The following STAC variants were observed in gnomAD, a reference collection of about 807,000 sequenced individuals.
STAC encodes the protein SH3 and cysteine rich domain, also known as SH3 and cysteine-rich domain-containing protein.
Under a neutral mutation model 48.8 loss-of-function variants are expected in STAC, and 43 were observed. The observed-to-expected ratio is 0.88, with a 90% confidence interval of 0.69 to 1.14. The LOEUF (loss-of-function observed/expected upper bound fraction) is 1.14, where lower values mean the gene tolerates loss of function less well. STAC is among the 50% of genes most tolerant of loss of function. The pLI is 0.00. For missense variants in STAC, 497 were observed against 504.0 expected (o/e 0.99, Z 0.13); for synonymous variants, 193 against 179.5 (o/e 1.07, Z -0.60).
intron 1 of STAC, among the ~76,000 whole-genome samples, chr3:36,401,278 A>G (rs1189664249): frequency 6.6e-6 from 1 of 152,198 alleles, no homozygotes; most frequent in Non-Finnish European, 1.5e-5. Flanking sequence ...TTCACATTGA[A>G]GGACACACTC....
chr3:36,415,930 T>C (rs1053304979), intron 1 of STAC, among the ~76,000 whole-genome samples: 1 of 152,248 alleles, frequency 6.6e-6, no homozygotes, highest in Non-Finnish European at 1.5e-5. Flanking sequence ...GTATATGGTA[T>C]TTTATAAATA....
rs1014651381 is a variant in STAC at position 36,547,608 on chromosome 3, C to G, written c.*1319C>G. On this transcript the variant is annotated 3_prime_UTR_variant, in exon 11 of 11. Transcript: ENST00000273183. ...AATGTCAGTTTGATTTATTTTGTTA[C>G]AGAGCAATAAAATCATTAGAACAAT... 6.6e-6 allele frequency: 1 copy of G among 152,594 alleles called. No individual in the cohort carries two copies. The highest frequency in any genetic ancestry group is 6.5e-5 in the Admixed American group (1 of 15,268). The allele number at this position is 152,594 out of a possible 1,614,324, so 9.5% of individuals were successfully genotyped here.
chr3:36,448,907 C>CA (rs1014537832), intron 2 of STAC, among the ~76,000 whole-genome samples: 8 of 146,318 alleles, frequency 5.5e-5, no homozygotes, highest in African/African-American at 1.8e-4. Context: ...GTGAACCCCC[C>CA]CCCCCACTCC....
intron 2 of STAC, among the ~76,000 whole-genome samples, chr3:36,470,216 G>A (rs1697292571): frequency 6.6e-6 from 1 of 152,220 alleles, no homozygotes; most frequent in Non-Finnish European, 1.5e-5. Context: ...GGGAGATTTA[G>A]GATTCAAGGG....
rs116088249 is a variant in STAC at position 36,541,791 on chromosome 3, C to T, written c.1111-4400C>T. ...GCTGAGCTACATGGTTAGGTATGTGCTGGGCTGGCTAGAGATGGGATGCTG... is the reference window on the plus strand; with the variant it reads ...GCTGAGCTACATGGTTAGGTATGTGTTGGGCTGGCTAGAGATGGGATGCTG... On this transcript the variant is annotated intron_variant, in intron 10 of 10. Coordinates refer to ENST00000273183, the MANE Select transcript of STAC (RefSeq NM_003149.3). 5.0e-3 allele frequency among the ~76,000 whole-genome samples: 757 copies of T among 152,250 alleles called. 6 individuals carry two copies. The highest frequency in any genetic ancestry group is 0.017 in the African/African-American group (722 of 41,532).
intron 2 of STAC, among the ~76,000 whole-genome samples, chr3:36,455,535 G>A (rs902320800): frequency 1.3e-5 from 2 of 152,186 alleles, no homozygotes; most frequent in African/African-American, 4.8e-5. Context: ...ACAGGAATAG[G>A]ACATCTGCAG....
At chr3:36,434,793 C>T (rs1303926463) in intron 1 of STAC, among the ~76,000 whole-genome samples, 1 of 152,222 alleles carries the variant, frequency 6.6e-6, no homozygotes. Context: ...CACCTTCAGG[C>T]TGCAATTCTG....
At chr3:36,482,772 T>C (rs1697687477) in intron 2 of STAC, among the ~76,000 whole-genome samples, 1 of 152,066 alleles carries the variant, frequency 6.6e-6, no homozygotes, top group Non-Finnish European at 1.5e-5. Flanking sequence ...CCTGGAGTAG[T>C]GAATAGGAAA....
chr3:36,487,762 T>C (rs558806606), intron 5 of STAC, among the ~76,000 whole-genome samples: 21 of 152,360 alleles, frequency 1.4e-4, no homozygotes, highest in Middle Eastern at 6.8e-3. Context: ...TACTGAAGCA[T>C]TTCATAGTAA....
chr3:36,492,032 AT>A (rs1457334374), intron 5 of STAC, among the ~76,000 whole-genome samples: 714 of 10,374 alleles, frequency 0.069, 24 homozygotes, highest in East Asian at 0.12. Context: ...AAAAAAAAAA[AT>A]ATATATATAT....
chr3:36,511,168 G>A (rs1488863493), intron 8 of STAC, among the ~76,000 whole-genome samples: 1 of 151,808 alleles, frequency 6.6e-6, no homozygotes, highest in Admixed American at 6.6e-5. Flanking sequence ...TTAAGCTAGA[G>A]TCAATTCTGG....
chr3:36,478,632 C>T (rs1294405680), intron 2 of STAC, among the ~76,000 whole-genome samples: 1 of 152,220 alleles, frequency 6.6e-6, no homozygotes, highest in South Asian at 2.1e-4. Context: ...GTAACTGGGA[C>T]TACAGGCACA....
At chr3:36,490,839 A>C (rs545411488) in intron 5 of STAC, among the ~76,000 whole-genome samples, 64 of 152,290 alleles carry the variant, frequency 4.2e-4, no homozygotes, top group South Asian at 2.5e-3. Context: ...CAACATCTGG[A>C]CCCTACAGAC....
At position 36,537,090 on chromosome 3, in the gene STAC, C is replaced by A. The variant is rs189512831; in HGVS notation, c.1110+8105C>A. Among the ~76,000 whole-genome samples, 276 of 152,276 alleles carry A rather than the reference C, an allele frequency of 1.8e-3. 2 individuals are homozygous for A. Among genetic ancestry groups the A allele is most frequent in the South Asian group, 7.5e-3 (36 of 4,830 alleles). ...GTGGAGAAATAGGAATGCTTTTACACTGTTGGTGGGAATGTAAATTAAACC... is the reference window on the plus strand; with the variant it reads ...GTGGAGAAATAGGAATGCTTTTACAATGTTGGTGGGAATGTAAATTAAACC... On this transcript the variant is annotated intron_variant, in intron 10 of 10. Transcript: ENST00000273183.
intron 2 of STAC, among the ~76,000 whole-genome samples, chr3:36,450,634 T>C (rs985098794): frequency 2.6e-5 from 4 of 152,212 alleles, no homozygotes; most frequent in Non-Finnish European, 5.9e-5. Flanking sequence ...CAAGCGATTC[T>C]CCTGCCTCAG....
At chr3:36,397,351 C>T (rs547503870) in intron 1 of STAC, among the ~76,000 whole-genome samples, 125 of 152,166 alleles carry the variant, frequency 8.2e-4, no homozygotes, top group Non-Finnish European at 1.6e-3. Flanking sequence ...TCATTATTTT[C>T]GATGGATCTG....
At chr3:36,528,826 C>T (rs757156979) in intron 9 of STAC, 22 bp from the exon 10 acceptor site, 7 of 1,609,516 alleles carry the variant, frequency 4.3e-6, no homozygotes, top group Non-Finnish European at 4.2e-6. Flanking sequence ...ATTGTGGATG[C>T]ATGCCTCCTT....
chr3:36,504,578 G>C lies in STAC; in HGVS notation c.831+121G>C, dbSNP rs532657055. 30 of 755,148 alleles carry C rather than the reference G, an allele frequency of 4.0e-5. No homozygotes were observed. The South Asian group carries it at 4.7e-4, about 12-fold the overall frequency. The allele number at this position is 755,148 out of a possible 1,614,324, so 46.8% of individuals were successfully genotyped here. A position where few individuals can be genotyped will look rare whatever the true frequency, so the allele number is the denominator to read the frequency against. The stretch of plus-strand genomic sequence containing the variant: ...TCCAGACCAGCATCTTTAGAGAATA[G>C]AATAATATAGCACAACGTACCATAG... On this transcript the variant is annotated intron_variant, in intron 7 of 10. Transcript: ENST00000273183.
chr3:36,529,092 A>G, intron 10 of STAC, 107 bp downstream of exon 10: 1 of 1,132,830 alleles, frequency 8.8e-7, no homozygotes, highest in Non-Finnish European at 1.2e-6. Flanking sequence ...CATTCAAAGT[A>G]TTCACTTTGA....
Sources: allele counts gnomAD v4.1 joint callset (sites outside exome capture counted in the v4.1 genomes callset), GRCh38; gene constraint gnomAD v4.1.1; transcripts MANE v1.5; gene names NCBI Gene and HGNC (gene_info 2026-07-23, HGNC 2026-07-21).